CHRM3: variants seen among roughly 807,000 people sequenced by gnomAD.
CHRM3 encodes cholinergic receptor muscarinic 3, also known as muscarinic acetylcholine receptor M3.
Under a neutral mutation model 41.8 loss-of-function variants are expected in CHRM3, and 11 were observed. The observed-to-expected ratio is 0.26, with a 90% CI of 0.17 to 0.44. CHRM3 has a LOEUF of 0.44. CHRM3 is among the 20% of genes least tolerant of loss of function. The pLI is 1.00. For synonymous variants in CHRM3, 297 were observed against 301.4 expected, an observed-to-expected ratio of 0.99 and a Z score of 0.15; for missense variants, 571 against 745.4, an observed-to-expected ratio of 0.77 and a Z score of 2.72.
intron 2 of CHRM3, among the ~76,000 whole-genome samples, chr1:239,512,797 G>C (rs1054876355): frequency 1.3e-5 from 2 of 150,460 alleles, no homozygotes; most frequent in African/African-American, 2.4e-5. Flanking sequence ...GTAGTTTTAA[G>C]GGTTACCCTC....
intron 1 of CHRM3, among the ~76,000 whole-genome samples, chr1:239,409,795 AC>A (rs1226543715): frequency 6.6e-6 from 1 of 152,094 alleles, no homozygotes; most frequent in East Asian, 1.9e-4. Context: ...ACAAAAAATT[AC>A]CCGGGCGTGG....
At chr1:239,863,593 G>T (rs965175238) in intron 6 of CHRM3, among the ~76,000 whole-genome samples, 2 of 152,158 alleles carry the variant, frequency 1.3e-5, no homozygotes, top group Admixed American at 1.3e-4. Flanking sequence ...GTTCCTCAGG[G>T]TCAGGCCATG....
chr1:239,452,532 G>C (rs1664628430), intron 1 of CHRM3, among the ~76,000 whole-genome samples: 2 of 152,142 alleles, frequency 1.3e-5, no homozygotes, highest in East Asian at 1.9e-4. Flanking sequence ...AATTTTCACT[G>C]TAACCAATAG....
intron 3 of CHRM3, among the ~76,000 whole-genome samples, chr1:239,549,626 A>C (rs371720648): frequency 6.7e-6 from 1 of 148,828 alleles, no homozygotes; most frequent in Non-Finnish European, 1.5e-5. Context: ...GCACCACTGC[A>C]CTCCAGCCTA....
chr1:239,422,350 G>A (rs1662017482), intron 1 of CHRM3, among the ~76,000 whole-genome samples: 1 of 152,034 alleles, frequency 6.6e-6, no homozygotes. Context: ...GGGAGTTTCT[G>A]GGACATCAAT....
chr1:239,833,272 C>T (rs1673041698), intron 6 of CHRM3, among the ~76,000 whole-genome samples: 1 of 152,174 alleles, frequency 6.6e-6, no homozygotes, highest in African/African-American at 2.4e-5. Flanking sequence ...AACTCTTTCC[C>T]CGCTTGGGAT....
chr1:239,813,667 C>T (rs1017093401), intron 5 of CHRM3, among the ~76,000 whole-genome samples: 2 of 150,938 alleles, frequency 1.3e-5, no homozygotes, highest in Non-Finnish European at 2.9e-5. Flanking sequence ...CCTGTAATCC[C>T]AGCACTTTGG....
At chr1:239,799,823 G>A (rs148086231) in intron 5 of CHRM3, among the ~76,000 whole-genome samples, 16 of 152,216 alleles carry the variant, frequency 1.1e-4, no homozygotes, top group East Asian at 5.8e-4. Flanking sequence ...TTCCCTTGCC[G>A]CTCTCAATGA....
chr1:239,598,265 G>A (rs2148672031), intron 3 of CHRM3, among the ~76,000 whole-genome samples: 1 of 152,102 alleles, frequency 6.6e-6, no homozygotes, highest in South Asian at 2.1e-4. Context: ...CAGCAGAGGG[G>A]CTTAAATCTG....
chr1:239,823,307 T>G (rs1210556992), intron 5 of CHRM3, among the ~76,000 whole-genome samples: 1 of 152,054 alleles, frequency 6.6e-6, no homozygotes, highest in Non-Finnish European at 1.5e-5. Flanking sequence ...AATAGCCTCA[T>G]AGAATCATAG....
At chr1:239,804,046 G>A (rs1054305849) in intron 5 of CHRM3, among the ~76,000 whole-genome samples, 1 of 152,202 alleles carries the variant, frequency 6.6e-6, no homozygotes, top group East Asian at 1.9e-4. Flanking sequence ...GCCTCCAGCA[G>A]CAGAAGGCAT....
chr1:239,808,103 T>A lies in CHRM3; in HGVS notation c.-146-19149T>A, dbSNP rs149073197. ...TTTTATTTTTTGAAAAACTGGTTGT[T>A]TTGACCCCATATCTGACTAGCCCCA... On this transcript the variant is annotated intron_variant, in intron 5 of 6. Transcript: ENST00000676153. Among the ~76,000 whole-genome samples the A allele has an allele frequency of 6.5e-3, 991 of 152,248 alleles. 9 individuals carry two copies. Among genetic ancestry groups the A allele is most frequent in the African/African-American group, 0.022 (929 of 41,532 alleles).
chr1:239,388,828 C>T (rs1393259276), intron 1 of CHRM3, among the ~76,000 whole-genome samples: 1 of 152,122 alleles, frequency 6.6e-6, no homozygotes, highest in Non-Finnish European at 1.5e-5. Flanking sequence ...CTTCTACCGC[C>T]GAATAGTCTA....
intron 5 of CHRM3, among the ~76,000 whole-genome samples, chr1:239,794,266 G>T (rs1289969778): frequency 6.6e-6 from 1 of 152,116 alleles, no homozygotes; most frequent in African/African-American, 2.4e-5. Context: ...AAATAAATGA[G>T]ATGTGGTTTT....
chr1:239,831,027 A>G (rs547840563), intron 6 of CHRM3, among the ~76,000 whole-genome samples: 89 of 152,182 alleles, frequency 5.8e-4, no homozygotes, highest in African/African-American at 1.7e-3. Context: ...TGTATTTTAA[A>G]AGTACATTTA....
At chr1:239,591,639 C>A (rs1209698423) in intron 3 of CHRM3, among the ~76,000 whole-genome samples, 1 of 151,434 alleles carries the variant, frequency 6.6e-6, no homozygotes, top group Non-Finnish European at 1.5e-5. Flanking sequence ...TTACTCTGAA[C>A]TAAGATTCGG....
chr1:239,425,693 A>G (rs1662315946), intron 1 of CHRM3, among the ~76,000 whole-genome samples: 1 of 152,212 alleles, frequency 6.6e-6, no homozygotes, highest in South Asian at 2.1e-4. Flanking sequence ...CAGGCAGGAA[A>G]CTTCACAAAA....
At chr1:239,392,173 A>C (rs1377670007) in intron 1 of CHRM3, among the ~76,000 whole-genome samples, 2 of 152,078 alleles carry the variant, frequency 1.3e-5, no homozygotes, top group African/African-American at 4.8e-5. Context: ...TCTCTGATTC[A>C]ATCTCAGTGT....
At chr1:239,862,008 G>A (rs767649589) in intron 6 of CHRM3, among the ~76,000 whole-genome samples, 2 of 152,138 alleles carry the variant, frequency 1.3e-5, no homozygotes, top group Non-Finnish European at 1.5e-5. Context: ...CAAAAGAACA[G>A]CTTCTACCTC....
Sources: allele counts gnomAD v4.1 joint callset (sites outside exome capture counted in the v4.1 genomes callset), GRCh38; gene constraint gnomAD v4.1.1; transcripts MANE v1.5; gene names NCBI Gene and HGNC (gene_info 2026-07-23, HGNC 2026-07-21).